GCSAM: variants seen among roughly 807,000 people sequenced by gnomAD.
GCSAM encodes germinal center-associated signaling and motility protein.
Under a neutral mutation model 17.6 loss-of-function variants are expected in GCSAM, and 8 were observed. The ratio of observed to expected loss-of-function variants is 0.46; its 90% CI spans 0.27 to 0.82. GCSAM has a LOEUF of 0.82. Ranked by LOEUF, GCSAM falls within the 40% of genes least tolerant of loss-of-function variation. The pLI is 0.15. For synonymous variants in GCSAM, 68 were observed against 69.0 expected (o/e 0.98, Z 0.07); for missense variants, 192 against 213.5 (o/e 0.90, Z 0.63).
intron 4 of GCSAM, among the ~76,000 whole-genome samples, chr3:112,126,671 T>C (rs531546067): frequency 6.6e-6 from 1 of 152,292 alleles, no homozygotes; most frequent in Admixed American, 6.5e-5. Flanking sequence ...ACCCCTCCCC[T>C]ATCCCAGGCT....
chr3:112,128,344 T>C, intron 2 of GCSAM: 1 of 586,934 alleles, frequency 1.7e-6, no homozygotes, highest in Non-Finnish European at 3.1e-6. Context: ...TTGGTTCCCT[T>C]GTAATGAAGA....
rs2074208706 is a variant in GCSAM at position 112,121,946 on chromosome 3, T to C, written c.*1509A>G. On this transcript the variant is annotated 3_prime_UTR_variant, in exon 6 of 6. Coordinates refer to ENST00000308910, the MANE Select transcript of GCSAM (RefSeq NM_152785.5). Reference sequence around the variant, plus strand: ...AAGGGCCTGTCTAGTAAACATAATGTACCTACTGCTTTCTTAAACAAACCT... The same window carrying C: ...AAGGGCCTGTCTAGTAAACATAATGCACCTACTGCTTTCTTAAACAAACCT... 6.6e-6 allele frequency: 1 copy of C among 152,238 alleles called. No homozygotes were observed. Among genetic ancestry groups the C allele is most frequent in the South Asian group, 2.1e-4 (1 of 4,832 alleles). The allele number at this position is 152,238 out of a possible 1,614,324, so 9.4% of individuals were successfully genotyped here.
rs960186054 is a variant in GCSAM, at chr3:112,122,018, C to T, written c.*1437G>A. ...GCATCCCTAAAATTAGGACAGTAGC[C>T]GTGAGTTAAATAAAACAGCAAGTGG... On this transcript the variant is annotated 3_prime_UTR_variant, in exon 6 of 6. Coordinates refer to ENST00000308910, the MANE Select transcript of GCSAM (RefSeq NM_152785.5). The T allele has an allele frequency of 6.6e-5, 10 of 152,066 alleles. No individual in the cohort carries two copies. The highest frequency in any genetic ancestry group is 1.2e-4 in the Non-Finnish European group (8 of 68,034). The allele number at this position is 152,066 out of a possible 1,614,324, so 9.4% of individuals were successfully genotyped here. A position where few individuals can be genotyped will look rare whatever the true frequency, so the allele number is the denominator to read the frequency against.
chr3:112,124,708 G>A (rs1274540775), intron 5 of GCSAM, among the ~76,000 whole-genome samples: 1 of 152,172 alleles, frequency 6.6e-6, no homozygotes, highest in Non-Finnish European at 1.5e-5. Context: ...TTATTAAATA[G>A]GGAAGCGACT....
chr3:112,132,778 T>C (rs756988420), intron 1 of GCSAM: 7 of 475,396 alleles, frequency 1.5e-5, no homozygotes, highest in Non-Finnish European at 2.0e-5. Context: ...GAGCATCTCC[T>C]TCCCGGGCTT....
chr3:112,127,323 G>T (rs2074349286), intron 3 of GCSAM, among the ~76,000 whole-genome samples: 1 of 152,104 alleles, frequency 6.6e-6, no homozygotes, highest in Admixed American at 6.6e-5. Context: ...CTTTTTTGGA[G>T]ACTTTTTTTC....
chr3:112,123,268 G>T lies in GCSAM; in HGVS notation c.*187C>A. The T allele has an allele frequency of 1.9e-6, 2 of 1,055,564 alleles. No homozygotes were observed. Among genetic ancestry groups the T allele is most frequent in the African/African-American group, 1.6e-5 (1 of 62,420 alleles). 65.4% of individuals were successfully genotyped at this position (1,055,564 alleles called of 1,614,324 possible). A position where few individuals can be genotyped will look rare whatever the true frequency, so the allele number is the denominator to read the frequency against. ...TCAAATGGTGTTGTTCAGGATAAATGGTTGATCTTTAGATTTTGGCTTTTG... is the reference window on the plus strand; with the variant it reads ...TCAAATGGTGTTGTTCAGGATAAATTGTTGATCTTTAGATTTTGGCTTTTG... On this transcript the variant is annotated 3_prime_UTR_variant, in exon 6 of 6. Transcript: ENST00000308910.
Position 112,123,438 on chromosome 3 carries a change from C to G in GCSAM, c.*17G>C. On this transcript the variant is annotated 3_prime_UTR_variant, in exon 6 of 6. Coordinates refer to ENST00000308910, the MANE Select transcript of GCSAM (RefSeq NM_152785.5). Reference sequence around the variant, plus strand: ...TTTATTTGTTGGTGCTAAACAAATGCTAGTCCAGCCACTTCACTATAAATG... The same window carrying G: ...TTTATTTGTTGGTGCTAAACAAATGGTAGTCCAGCCACTTCACTATAAATG... 6.2e-7 allele frequency: 1 copy of G among 1,609,206 alleles called. No individual in the cohort carries two copies. The highest frequency in any genetic ancestry group is 2.2e-5 in the East Asian group (1 of 44,844).
chr3:112,125,318 G>A, intron 4 of GCSAM, 64 bp from the exon 5 acceptor site: 2 of 1,122,048 alleles, frequency 1.8e-6, no homozygotes, highest in East Asian at 2.3e-5. Flanking sequence ...GAAGAGCAGG[G>A]GAGGCTAGAA....
rs1477558652 is a variant in GCSAM, at chr3:112,123,421, T to C, written c.*34A>G. 1 of 1,592,630 alleles carries C rather than the reference T, an allele frequency of 6.3e-7. No homozygotes were observed. Among genetic ancestry groups the C allele is most frequent in the Non-Finnish European group, 8.6e-7 (1 of 1,168,594 alleles). On this transcript the variant is annotated 3_prime_UTR_variant, in exon 6 of 6. Coordinates refer to ENST00000308910, the MANE Select transcript of GCSAM (RefSeq NM_152785.5). ...GATCCCCCATCCCACCTTTTATTTG[T>C]TGGTGCTAAACAAATGCTAGTCCAG...
chr3:112,127,967 A>G (rs374674446), intron 3 of GCSAM, 50 bp downstream of exon 3: 4 of 1,543,394 alleles, frequency 2.6e-6, no homozygotes, highest in East Asian at 2.3e-5. Context: ...CAAATACCAC[A>G]TTGAAACCAC....
At chr3:112,127,493 A>G (rs1007714219) in intron 3 of GCSAM, among the ~76,000 whole-genome samples, 7 of 152,204 alleles carry the variant, frequency 4.6e-5, no homozygotes, top group African/African-American at 1.7e-4. Flanking sequence ...TGTGATATAA[A>G]TATAATGGAA....
chr3:112,123,624 C>G lies in GCSAM; in HGVS notation c.368G>C (p.Gly123Ala). Residue 123 changes from glycine (G) to alanine (A), a missense_variant, in exon 6 of 6, where the codon GGA (glycine) becomes GCA (alanine). Physicochemically the swap from Gly to Ala is moderately conservative, Grantham distance 60. Transcript: ENST00000308910. Reference protein sequence around the residue: ...KAERPRESLGGTETEYSLLHM... With the variant: ...KAERPRESLGATETEYSLLHM... The stretch of plus-strand genomic sequence containing the variant: ...TAGAAGTGAATACTCAGTCTCAGTT[C>G]CTCCCAAGGACTCTCTGGGTCTCTC... 1.2e-6 allele frequency: 2 copies of G among 1,614,098 alleles called. No homozygotes were observed. Among genetic ancestry groups the G allele is most frequent in the African/African-American group, 1.3e-5 (1 of 75,004 alleles).
At chr3:112,125,316 G>T in intron 4 of GCSAM, 62 bp from the exon 5 acceptor site, 3 of 1,127,070 alleles carry the variant, frequency 2.7e-6, no homozygotes, top group Non-Finnish European at 2.7e-6. Context: ...GGGAAGAGCA[G>T]GGGAGGCTAG....
At chr3:112,124,012 C>T (rs2074254810) in intron 5 of GCSAM, among the ~76,000 whole-genome samples, 2 of 152,198 alleles carry the variant, frequency 1.3e-5, no homozygotes, top group African/African-American at 4.8e-5. Context: ...AGAGTGACCT[C>T]TGACCACCTG....
intron 5 of GCSAM, 25 bp downstream of exon 5, chr3:112,125,201 A>C (rs1303829223): frequency 1.3e-6 from 2 of 1,500,356 alleles, no homozygotes; most frequent in Admixed American, 3.3e-5. Context: ...CATCTCAAAA[A>C]ATAGCTTAGA....
intron 2 of GCSAM, 108 bp downstream of exon 2, chr3:112,130,337 A>G: frequency 1.2e-6 from 1 of 839,206 alleles, no homozygotes. Flanking sequence ...TGCAACTGCT[A>G]CTGGTCTAAA....
chr3:112,127,428 CAAAT>C (rs1324589356), intron 3 of GCSAM, among the ~76,000 whole-genome samples: 1 of 144,348 alleles, frequency 6.9e-6, no homozygotes, highest in Non-Finnish European at 1.5e-5. Context: ...AACAAACAAA[CAAAT>C]AAACACACTC....
In GCSAM at chr3:112,123,659, G is replaced by A; in HGVS notation, c.333C>T (p.Pro111=). Residue 111 remains proline (P), a synonymous_variant, in exon 6 of 6, where the codon CCC becomes CCT. Transcript: ENST00000308910. Reference sequence around the variant, plus strand: ...ACTCTCTGGGTCTCTCAGCTTTGCAGGGAACATTCTCATAGTACTCTTCAG... The same window carrying A: ...ACTCTCTGGGTCTCTCAGCTTTGCAAGGAACATTCTCATAGTACTCTTCAG... ...NSAEEYYENV[P]CKAERPRESL... 6.2e-7 allele frequency: 1 copy of A among 1,614,148 alleles called. No homozygotes were observed. Among genetic ancestry groups the A allele is most frequent in the Non-Finnish European group, 8.5e-7 (1 of 1,180,010 alleles).
Sources: allele counts gnomAD v4.1 joint callset (sites outside exome capture counted in the v4.1 genomes callset), GRCh38; gene constraint gnomAD v4.1.1; transcripts MANE v1.5; gene names NCBI Gene and HGNC (gene_info 2026-07-23, HGNC 2026-07-21).